Variants in PLXNA4 observed in about 807,000 individuals in gnomAD.
PLXNA4 encodes plexin-A4.
Under a neutral mutation model 191.8 loss-of-function variants are expected in PLXNA4, and 44 were observed. That is an observed-to-expected ratio of 0.23 (90% CI 0.18 to 0.29). PLXNA4 has a LOEUF of 0.29. Ranked by LOEUF, PLXNA4 falls within the 10% of genes least tolerant of loss-of-function variation. The pLI, the probability that PLXNA4 is intolerant of heterozygous loss-of-function variation, is 1.00. For missense variants in PLXNA4, 1,800 were observed against 2,488.8 expected (o/e 0.72, Z 5.89); for synonymous variants, 1,082 against 1,009.5 (o/e 1.07, Z -1.36).
At chr7:132,175,009 C>A (rs1340872308) in intron 20 of PLXNA4, 89 bp from the exon 21 acceptor site, 3 of 1,549,452 alleles carry the variant, frequency 1.9e-6, no homozygotes, top group Admixed American at 1.8e-5. Context: ...CTTACCCAAG[C>A]CCCTAGGAGA....
chr7:132,328,314 G>A (rs1802453587), intron 3 of PLXNA4, among the ~76,000 whole-genome samples: 1 of 152,136 alleles, frequency 6.6e-6, no homozygotes, highest in African/African-American at 2.4e-5. Flanking sequence ...CTTCTCAGCT[G>A]CATTTCTGAT....
At chr7:132,318,165 A>G (rs1802019200) in intron 3 of PLXNA4, among the ~76,000 whole-genome samples, 1 of 152,130 alleles carries the variant, frequency 6.6e-6, no homozygotes, top group South Asian at 2.1e-4. Flanking sequence ...CGGAGAGGGC[A>G]GGGGTAGCAT....
At chr7:132,447,018 T>C (rs1325368172) in intron 3 of PLXNA4, among the ~76,000 whole-genome samples, 2 of 152,318 alleles carry the variant, frequency 1.3e-5, no homozygotes, top group East Asian at 1.9e-4. Flanking sequence ...ATTTGTTATA[T>C]TAGAATTGCA....
chr7:132,189,030 A>AAGAGAGAGAGAGAGAG (rs3085197), intron 14 of PLXNA4, among the ~76,000 whole-genome samples: 1 of 61,956 alleles, frequency 1.6e-5, no homozygotes, highest in Non-Finnish European at 3.1e-5. Context: ...GAGAGAGAGA[A>AAGAGAGAGAGAGAGAG]AGAGAGAGAG....
intron 2 of PLXNA4, among the ~76,000 whole-genome samples, chr7:132,499,420 G>A (rs189975465): frequency 1.0e-3 from 159 of 152,314 alleles, no homozygotes; most frequent in African/African-American, 3.0e-3. Flanking sequence ...TCAGCATTGC[G>A]AATGGTAACA....
intron 3 of PLXNA4, chr7:132,383,690 T>C: frequency 5.1e-6 from 5 of 982,882 alleles, no homozygotes; most frequent in Non-Finnish European, 6.0e-6. Context: ...TCAATTCCAA[T>C]TTTTGATAGA....
intron 25 of PLXNA4, among the ~76,000 whole-genome samples, chr7:132,153,386 G>A (rs1365888313): frequency 6.6e-6 from 1 of 152,152 alleles, no homozygotes; most frequent in Non-Finnish European, 1.5e-5. Flanking sequence ...GGGATAAGGA[G>A]AGGAGAGCAT....
At chr7:132,555,749 T>G (rs1563169034) in intron 1 of PLXNA4, among the ~76,000 whole-genome samples, 1 of 152,224 alleles carries the variant, frequency 6.6e-6, no homozygotes, top group South Asian at 2.1e-4. Context: ...AGTGGTATAA[T>G]GTAAGTTAGT....
intron 3 of PLXNA4, among the ~76,000 whole-genome samples, chr7:132,352,863 C>T (rs1585025778): frequency 6.6e-6 from 1 of 152,246 alleles, no homozygotes; most frequent in South Asian, 2.1e-4. Flanking sequence ...TACCAAAAGG[C>T]ATCATAAAAG....
intron 3 of PLXNA4, among the ~76,000 whole-genome samples, chr7:132,416,857 C>G (rs1472629858): frequency 6.6e-6 from 1 of 152,134 alleles, no homozygotes; most frequent in African/African-American, 2.4e-5. Context: ...TCTTCAACCA[C>G]TTTATGGACT....
At chr7:132,521,415 G>A (rs948044586) in intron 1 of PLXNA4, among the ~76,000 whole-genome samples, 1 of 152,094 alleles carries the variant, frequency 6.6e-6, no homozygotes, top group Non-Finnish European at 1.5e-5. Flanking sequence ...TCATAAGGAG[G>A]TTGTTTTGGT....
intron 9 of PLXNA4, among the ~76,000 whole-genome samples, chr7:132,212,264 C>T (rs1162404350): frequency 2.0e-5 from 3 of 152,174 alleles, no homozygotes; most frequent in Admixed American, 6.6e-5. Context: ...CTTCTCACCC[C>T]GCACCTTAAC....
chr7:132,381,438 A>G (rs1226413921), intron 3 of PLXNA4, among the ~76,000 whole-genome samples: 1 of 152,248 alleles, frequency 6.6e-6, no homozygotes, highest in Non-Finnish European at 1.5e-5. Context: ...AACAAATGCA[A>G]CTGAAGAATC....
At chr7:132,228,586 C>G in intron 5 of PLXNA4, 117 bp from the exon 6 acceptor site, 2 of 1,304,924 alleles carry the variant, frequency 1.5e-6, no homozygotes, top group Non-Finnish European at 2.1e-6. Context: ...TCAATGCGCC[C>G]AGAGCTAACC....
chr7:132,211,663 G>T (rs766372981), intron 9 of PLXNA4, among the ~76,000 whole-genome samples: 4 of 152,222 alleles, frequency 2.6e-5, no homozygotes, highest in Non-Finnish European at 4.4e-5. Flanking sequence ...GGCTGAATCT[G>T]ATGTTTGAGA....
intron 3 of PLXNA4, among the ~76,000 whole-genome samples, chr7:132,419,213 TG>T (rs748428978): frequency 6.6e-5 from 10 of 152,210 alleles, no homozygotes; most frequent in Non-Finnish European, 1.3e-4. Flanking sequence ...GGTTTCTACC[TG>T]GGGCCAGGCA....
At chr7:132,422,122 G>T (rs1794871772) in intron 3 of PLXNA4, among the ~76,000 whole-genome samples, 1 of 152,320 alleles carries the variant, frequency 6.6e-6, no homozygotes, top group Admixed American at 6.5e-5. Context: ...AATGGTCTGA[G>T]TCTATGCCTT....
At position 132,347,076 on chromosome 7, in the gene PLXNA4, C is replaced by G. The variant is rs527736626; in HGVS notation, c.1372-48854G>C. On this transcript the variant is annotated intron_variant, in intron 3 of 31. Transcript: ENST00000321063. ...TTTTTTCTTCTTTCTCTGATTGCCA[C>G]TTGAGATAATTAGCTAATACAATAA... Among the ~76,000 whole-genome samples the G allele has an allele frequency of 6.6e-5, 10 of 152,222 alleles. No individual in the cohort carries two copies. The South Asian group carries it at 1.9e-3, about 28-fold the overall frequency.
chr7:132,501,774 C>A (rs1463022938), intron 2 of PLXNA4, among the ~76,000 whole-genome samples: 2 of 152,156 alleles, frequency 1.3e-5, no homozygotes, highest in Non-Finnish European at 2.9e-5. Context: ...GTCAGGCACC[C>A]AGTGCTAAAT....
Sources: gnomAD v4.1 joint callset for allele counts (sites outside exome capture counted in the v4.1 genomes callset) on GRCh38, gnomAD v4.1.1 for gene constraint, MANE v1.5 for transcripts, NCBI Gene and HGNC (gene_info 2026-07-23, HGNC 2026-07-21) for gene names.